MCC: variants seen among roughly 807,000 people sequenced by gnomAD.
The protein encoded by MCC is MCC regulator of Wnt signaling pathway.
Under a neutral mutation model 116.2 loss-of-function variants are expected in MCC, and 90 were observed. The observed-to-expected ratio is 0.77, with a 90% CI of 0.65 to 0.92. The LOEUF (loss-of-function observed/expected upper bound fraction) is 0.92, where lower values mean the gene tolerates loss of function less well. Ranked by LOEUF, MCC falls within the 40% of genes least tolerant of loss-of-function variation. MCC has a pLI of 0.00. For synonymous variants in MCC, 578 were observed against 510.5 expected (o/e 1.13, Z -1.78); for missense variants, 1,516 against 1,312.2 (o/e 1.16, Z -2.40).
chr5:113,486,866 G>T (rs1772547178), intron 1 of MCC, among the ~76,000 whole-genome samples: 1 of 150,712 alleles, frequency 6.6e-6, no homozygotes, highest in African/African-American at 2.4e-5. Flanking sequence ...TGTATCCAAA[G>T]TTGGAGTTTG....
intron 3 of MCC, among the ~76,000 whole-genome samples, chr5:113,258,939 G>C (rs1159683125): frequency 6.6e-6 from 1 of 152,096 alleles, no homozygotes; most frequent in African/African-American, 2.4e-5. Flanking sequence ...CAAGAACAAG[G>C]TCTGTACTAC....
At chr5:113,048,842 C>A in intron 16 of MCC, 1 of 572,666 alleles carries the variant, frequency 1.7e-6, no homozygotes, top group Non-Finnish European at 3.1e-6. Context: ...GCAGAGATCA[C>A]CCCTCTGATG....
At chr5:113,356,249 T>C (rs1451983544) in intron 2 of MCC, among the ~76,000 whole-genome samples, 1 of 151,500 alleles carries the variant, frequency 6.6e-6, no homozygotes. Context: ...GTTGTCCCAG[T>C]TGGTCTTGAA....
intron 14 of MCC, among the ~76,000 whole-genome samples, chr5:113,059,715 G>A (rs1054455843): frequency 2.0e-5 from 3 of 152,212 alleles, no homozygotes; most frequent in Non-Finnish European, 4.4e-5. Context: ...ATGCTCTGCT[G>A]GAGCTCCCGT....
chr5:113,123,829 C>A (rs1757872478), intron 5 of MCC, among the ~76,000 whole-genome samples: 1 of 152,158 alleles, frequency 6.6e-6, no homozygotes, highest in African/African-American at 2.4e-5. Flanking sequence ...GCTTCAAGGG[C>A]AGGTTGTCTG....
chr5:113,219,970 C>T (rs1207663407), intron 3 of MCC, among the ~76,000 whole-genome samples: 2 of 151,728 alleles, frequency 1.3e-5, no homozygotes, highest in Non-Finnish European at 2.9e-5. Flanking sequence ...AGTATACATC[C>T]TCCGGGTTCA....
intron 5 of MCC, among the ~76,000 whole-genome samples, chr5:113,134,339 T>C (rs4582268): frequency 0.97 from 147,812 of 152,284 alleles, 71,836 homozygotes; most frequent in East Asian, 1. Context: ...CTTTCCCCCA[T>C]TGTATGTTCT....
chr5:113,315,206 G>T (rs1318338805), intron 3 of MCC, among the ~76,000 whole-genome samples: 2 of 152,098 alleles, frequency 1.3e-5, no homozygotes, highest in African/African-American at 4.8e-5. Context: ...ATTTATCTCT[G>T]GTCCTCAATT....
At chr5:113,293,237 T>TCACACA (rs138318726) in intron 3 of MCC, among the ~76,000 whole-genome samples, 1 of 149,560 alleles carries the variant, frequency 6.7e-6, no homozygotes, top group African/African-American at 2.5e-5. Flanking sequence ...AGGTGTTCCC[T>TCACACA]CACACACACA....
intron 3 of MCC, among the ~76,000 whole-genome samples, chr5:113,322,862 C>T (rs1025090533): frequency 6.6e-6 from 1 of 152,178 alleles, no homozygotes; most frequent in African/African-American, 2.4e-5. Context: ...ACAATGATCC[C>T]CATCTCCCAG....
chr5:113,367,894 G>A (rs541837284), intron 2 of MCC, among the ~76,000 whole-genome samples: 1 of 152,104 alleles, frequency 6.6e-6, no homozygotes, highest in Admixed American at 6.6e-5. Context: ...ACTGAGGGGG[G>A]ACACTGCAAC....
chr5:113,073,193 C>G (rs181916346), intron 11 of MCC, among the ~76,000 whole-genome samples: 1 of 152,184 alleles, frequency 6.6e-6, no homozygotes, highest in Non-Finnish European at 1.5e-5. Context: ...ATTGGACACC[C>G]CTGCACTAGA....
At chr5:113,052,728 G>A (rs1752566642) in intron 15 of MCC, among the ~76,000 whole-genome samples, 1 of 152,148 alleles carries the variant, frequency 6.6e-6, no homozygotes, top group Non-Finnish European at 1.5e-5. Context: ...GACCTGCTCT[G>A]GCTTGCTAGA....
At chr5:113,318,681 AG>A (rs1311021830) in intron 3 of MCC, among the ~76,000 whole-genome samples, 1 of 146,170 alleles carries the variant, frequency 6.8e-6, no homozygotes, top group Non-Finnish European at 1.5e-5. Context: ...GGCCTATGGG[AG>A]GGTGGAGGGT....
At chr5:113,435,685 C>T (rs1770835381) in intron 1 of MCC, 1 of 152,504 alleles carries the variant, frequency 6.6e-6, no homozygotes, top group African/African-American at 2.4e-5. Context: ...CCCTATACAT[C>T]TCTTCCCTTG....
intron 5 of MCC, among the ~76,000 whole-genome samples, chr5:113,134,797 C>T (rs538534897): frequency 2.6e-5 from 4 of 151,680 alleles, no homozygotes; most frequent in East Asian, 3.9e-4. Flanking sequence ...ACAAGCTTAG[C>T]GTTCCAGTAA....
At chr5:113,029,328 T>C (rs999407023) in intron 17 of MCC, among the ~76,000 whole-genome samples, 1 of 151,236 alleles carries the variant, frequency 6.6e-6, no homozygotes, top group African/African-American at 2.4e-5. Flanking sequence ...TTTCTAGTCT[T>C]CTAGCTAATC....
intron 3 of MCC, among the ~76,000 whole-genome samples, chr5:113,247,240 T>C (rs1561483781): frequency 6.6e-6 from 1 of 152,184 alleles, no homozygotes; most frequent in East Asian, 1.9e-4. Context: ...AAGGGGCAAC[T>C]GACAAAAGCT....
chr5:113,374,295 A>G (rs1167400306), intron 2 of MCC, among the ~76,000 whole-genome samples: 3 of 151,950 alleles, frequency 2.0e-5, no homozygotes, highest in Middle Eastern at 3.4e-3. Flanking sequence ...AGTGTTTGAC[A>G]GCCTTAAACC....
Sources: allele counts gnomAD v4.1 joint callset (sites outside exome capture counted in the v4.1 genomes callset), GRCh38; gene constraint gnomAD v4.1.1; transcripts MANE v1.5; gene names NCBI Gene and HGNC (gene_info 2026-07-23, HGNC 2026-07-21).